Variants in MRPS35 observed in about 807,000 individuals in gnomAD.
MRPS35 encodes the protein small ribosomal subunit protein mS35.
Under a neutral mutation model 32.7 loss-of-function variants are expected in MRPS35, and 29 were observed. The ratio of observed to expected loss-of-function variants is 0.89; its 90% CI spans 0.66 to 1.21. The LOEUF (loss-of-function observed/expected upper bound fraction) is 1.21, where lower values mean the gene tolerates loss of function less well. Among genes scored for constraint, MRPS35 ranks in the 50% most tolerant of loss-of-function variants. The pLI is 0.00. For missense variants in MRPS35, 373 were observed against 383.8 expected (o/e 0.97, Z 0.23); for synonymous variants, 148 against 139.3 (o/e 1.06, Z -0.44).
intron 7 of MRPS35, among the ~76,000 whole-genome samples, chr12:27,749,307 TAA>T (rs1232502399): frequency 6.7e-6 from 1 of 149,990 alleles, no homozygotes; most frequent in Non-Finnish European, 1.5e-5. Context: ...ACCAGGAAGT[TAA>T]AAGTGTTAAG....
chr12:27,741,640 A>C (rs911607304), intron 7 of MRPS35, among the ~76,000 whole-genome samples: 18 of 152,174 alleles, frequency 1.2e-4, no homozygotes, highest in African/African-American at 3.9e-4. Flanking sequence ...TGATAACACA[A>C]CTTCCTTAAT....
At position 27,734,266 on chromosome 12, in the gene MRPS35, G is replaced by A. The variant is rs543281648; in HGVS notation, c.523-1181G>A. Among the ~76,000 whole-genome samples, 244 of 142,384 alleles carry A rather than the reference G, an allele frequency of 1.7e-3. 1 individual carries two copies. Among genetic ancestry groups the A allele is most frequent in the African/African-American group, 5.8e-3 (226 of 39,162 alleles). The allele number at this position is 142,384 out of a possible 152,430, so 93.4% of individuals were successfully genotyped here. On this transcript the variant is annotated intron_variant, in intron 5 of 7. Transcript: ENST00000081029. The stretch of plus-strand genomic sequence containing the variant: ...TCTTTTTTTTTTTTTTTTTGAGGCA[G>A]AGTTTTGCTCTTGTTGCCCAGGCTG...
chr12:27,739,996 A>G (rs866416694), intron 7 of MRPS35, among the ~76,000 whole-genome samples: 11 of 152,226 alleles, frequency 7.2e-5, no homozygotes, highest in Non-Finnish European at 1.5e-5. Flanking sequence ...GAAGAATTCT[A>G]TATTACCGTT....
intron 4 of MRPS35, among the ~76,000 whole-genome samples, chr12:27,722,192 A>G (rs1027011934): frequency 5.3e-5 from 8 of 152,180 alleles, no homozygotes; most frequent in African/African-American, 1.9e-4. Context: ...TCTTCCGTAT[A>G]ACTCAAAGGC....
intron 4 of MRPS35, 126 bp from the exon 5 acceptor site, chr12:27,723,921 A>G: frequency 1.1e-6 from 1 of 885,902 alleles, no homozygotes; most frequent in Non-Finnish European, 1.7e-6. Flanking sequence ...TGTAAAGTGC[A>G]GAAGAGAATC....
intron 7 of MRPS35, among the ~76,000 whole-genome samples, chr12:27,748,043 G>C (rs1034198625): frequency 1.1e-4 from 16 of 152,106 alleles, no homozygotes; most frequent in Admixed American, 4.6e-4. Flanking sequence ...TACCTGTAAG[G>C]CACTTAGAAT....
intron 7 of MRPS35, among the ~76,000 whole-genome samples, chr12:27,750,189 A>G (rs1444164752): frequency 6.6e-6 from 1 of 152,344 alleles, no homozygotes; most frequent in African/African-American, 2.4e-5. Flanking sequence ...TGATGCTGCT[A>G]TAGGCCCCTC....
chr12:27,749,327 A>T (rs1163659308), intron 7 of MRPS35, among the ~76,000 whole-genome samples: 4 of 144,448 alleles, frequency 2.8e-5, no homozygotes, highest in Non-Finnish European at 6.1e-5. Context: ...AAGGAAACTT[A>T]CCAAAAAAAA....
chr12:27,755,084 AG>A (rs1176389882), intron 7 of MRPS35, 96 bp from the exon 8 acceptor site: 11 of 1,301,848 alleles, frequency 8.4e-6, no homozygotes, highest in Non-Finnish European at 1.1e-5. Flanking sequence ...TTAAAAAGGA[AG>A]GAAAAAAAAA....
chr12:27,745,328 T>G (rs1320851781), intron 7 of MRPS35, among the ~76,000 whole-genome samples: 1 of 152,184 alleles, frequency 6.6e-6, no homozygotes, highest in Non-Finnish European at 1.5e-5. Context: ...ACAGAGCTTT[T>G]TAGTGGAGGA....
chr12:27,750,131 G>C (rs1233914983), intron 7 of MRPS35, among the ~76,000 whole-genome samples: 1 of 152,156 alleles, frequency 6.6e-6, no homozygotes, highest in Non-Finnish European at 1.5e-5. Context: ...ATTCCATTTA[G>C]TGTAAATATT....
At chr12:27,744,990 C>CT (rs1330600896) in intron 7 of MRPS35, among the ~76,000 whole-genome samples, 1 of 152,152 alleles carries the variant, frequency 6.6e-6, no homozygotes, top group East Asian at 1.9e-4. Context: ...GGGTCTCACT[C>CT]TTTCGCCCAG....
At chr12:27,736,500 C>CT (rs61685175) in intron 6 of MRPS35, among the ~76,000 whole-genome samples, 61 of 144,930 alleles carry the variant, frequency 4.2e-4, no homozygotes, top group African/African-American at 1.1e-3. Flanking sequence ...AATAATGTTG[C>CT]TTTTTTTTTT....
chr12:27,713,510 C>G (rs1027743309), intron 1 of MRPS35, among the ~76,000 whole-genome samples: 6 of 152,172 alleles, frequency 3.9e-5, no homozygotes, highest in Non-Finnish European at 8.8e-5. Context: ...TTCCTGGAGT[C>G]CAAAGGCTGG....
At chr12:27,740,307 G>T (rs1488042314) in intron 7 of MRPS35, among the ~76,000 whole-genome samples, 8 of 144,012 alleles carry the variant, frequency 5.6e-5, no homozygotes, top group African/African-American at 1.8e-4. Context: ...TTGCTTTGTT[G>T]TCCAGGCTGG....
chr12:27,755,071 C>T (rs1421400034), intron 7 of MRPS35, 110 bp from the exon 8 acceptor site: 18 of 1,296,032 alleles, frequency 1.4e-5, no homozygotes, highest in East Asian at 2.4e-5. Context: ...AACTTCTCTT[C>T]CCTTAAAAAG....
chr12:27,712,965 G>A (rs949924784), intron 1 of MRPS35, among the ~76,000 whole-genome samples: 4 of 152,222 alleles, frequency 2.6e-5, no homozygotes, highest in African/African-American at 4.8e-5. Flanking sequence ...ACAGTGAGCC[G>A]TAATCGCACC....
chr12:27,744,604 C>T lies in MRPS35; in HGVS notation c.702+6996C>T, dbSNP rs76892754. Among the ~76,000 whole-genome samples the T allele has an allele frequency of 1.1e-3, 162 of 152,278 alleles. 3 individuals are homozygous for T. The East Asian group carries it at 0.027, about 26-fold the overall frequency. ...AAAAAACTGGCTCTTCCTGGCAAGA[C>T]GCATCTCTTTAACATGAAGCGTATG... On this transcript the variant is annotated intron_variant, in intron 7 of 7. Coordinates refer to ENST00000081029, the MANE Select transcript of MRPS35 (RefSeq NM_021821.4).
At position 27,724,155 on chromosome 12, in the gene MRPS35, G is replaced by A. The variant is rs2061889554; in HGVS notation, c.491G>A (p.Arg164Gln). The change falls in exon 5 of 8, where the codon CGG (arginine) becomes CAG (glutamine). Residue 164 changes from arginine to glutamine, a missense_variant. Coordinates refer to ENST00000081029, the MANE Select transcript of MRPS35 (RefSeq NM_021821.4). Reference protein sequence around the residue: ...TDYVSSGPSVRNPRARVVVLR... With the variant: ...TDYVSSGPSVQNPRARVVVLR... The stretch of plus-strand genomic sequence containing the variant: ...TATGTTTCATCAGGACCATCTGTTC[G>A]GAACCCCAGAGCACGAGTAGTAGTC... The A allele has an allele frequency of 2.5e-6, 4 of 1,602,452 alleles. No homozygotes were observed. The highest frequency in any genetic ancestry group is 1.7e-4 in the Middle Eastern group (1 of 6,030).
Sources: gnomAD v4.1 joint callset for allele counts (sites outside exome capture counted in the v4.1 genomes callset) on GRCh38, gnomAD v4.1.1 for gene constraint, MANE v1.5 for transcripts, NCBI Gene and HGNC (gene_info 2026-07-23, HGNC 2026-07-21) for gene names.